Variants in ATL1 observed in about 807,000 individuals in gnomAD.
ATL1 encodes atlastin-1.
ATL1 carries 31 observed loss-of-function variants against 75.5 expected under a neutral mutation model. The observed-to-expected ratio is 0.41, with a 90% confidence interval of 0.31 to 0.55. ATL1 has a LOEUF of 0.55. ATL1 is among the 20% of genes least tolerant of loss of function. The pLI is 0.27. For synonymous variants in ATL1, 226 were observed against 233.3 expected, an observed-to-expected ratio of 0.97 and a Z score of 0.28; for missense variants, 405 against 662.6, an observed-to-expected ratio of 0.61 and a Z score of 4.27.
chr14:50,544,793 C>T (rs1011154499), intron 1 of ATL1, among the ~76,000 whole-genome samples: 11 of 151,868 alleles, frequency 7.2e-5, no homozygotes, highest in African/African-American at 2.4e-4. Flanking sequence ...AAAAATTAGC[C>T]AGGCATGGTG....
chr14:50,628,767 A>C (rs1440512026), intron 12 of ATL1, among the ~76,000 whole-genome samples: 1 of 152,032 alleles, frequency 6.6e-6, no homozygotes, highest in African/African-American at 2.4e-5. Context: ...TCTAGGCTGG[A>C]GTGCAGTGGC....
At chr14:50,564,597 C>T in intron 1 of ATL1, among the ~76,000 whole-genome samples, 1 of 128,300 alleles carries the variant, frequency 7.8e-6, no homozygotes, top group East Asian at 2.3e-4. Context: ...TGCAGTGAGC[C>T]AAGATCCGCC....
chr14:50,610,450 C>T (rs1320140094), intron 6 of ATL1, among the ~76,000 whole-genome samples: 1 of 152,052 alleles, frequency 6.6e-6, no homozygotes, highest in African/African-American at 2.4e-5. Flanking sequence ...TGTGAGTACT[C>T]AGGAAATACA....
At chr14:50,544,860 C>T (rs2038608782) in intron 1 of ATL1, among the ~76,000 whole-genome samples, 1 of 148,270 alleles carries the variant, frequency 6.7e-6, no homozygotes. Context: ...TTGCATGAGC[C>T]TGGGAGATGG....
Position 50,595,613 on chromosome 14 carries a change from C to T in ATL1, c.611C>T (p.Thr204Ile). The change falls in exon 6 of 14, where the codon ACA (threonine) becomes ATA (isoleucine). Residue 204 changes from threonine (T) to isoleucine (I), a missense_variant. Coordinates refer to ENST00000358385, the MANE Select transcript of ATL1 (RefSeq NM_015915.5). ...TEYGRLAMEETFLKPFQSLIF... is the reference protein window; with the variant it reads ...TEYGRLAMEEIFLKPFQSLIF... Reference sequence around the variant, plus strand: ...TATGGCAGACTGGCAATGGAGGAAACATTCCTGAAGCCATTTCAGGTGAGC... The same window carrying T: ...TATGGCAGACTGGCAATGGAGGAAATATTCCTGAAGCCATTTCAGGTGAGC... 6.2e-7 allele frequency: 1 copy of T among 1,613,686 alleles called. No homozygotes were observed. The highest frequency in any genetic ancestry group is 1.1e-5 in the South Asian group (1 of 91,066).
intron 3 of ATL1, 40 bp from the exon 4 acceptor site, chr14:50,591,495 G>C: frequency 7.4e-7 from 1 of 1,353,576 alleles, no homozygotes; most frequent in Non-Finnish European, 1.1e-6. Context: ...TGACCTAGAT[G>C]TTCTATAAAA....
intron 1 of ATL1, among the ~76,000 whole-genome samples, chr14:50,562,883 T>A (rs2140177515): frequency 6.6e-6 from 1 of 152,342 alleles, no homozygotes; most frequent in South Asian, 2.1e-4. Context: ...TAATTCCATT[T>A]TATTACCAGT....
chr14:50,579,367 G>A (rs1403450928), intron 1 of ATL1, among the ~76,000 whole-genome samples: 1 of 152,142 alleles, frequency 6.6e-6, no homozygotes, highest in Non-Finnish European at 1.5e-5. Flanking sequence ...ATTTCACTCT[G>A]TCTTCATTAC....
chr14:50,615,492 T>C (rs746024443), intron 8 of ATL1, among the ~76,000 whole-genome samples: 5 of 152,214 alleles, frequency 3.3e-5, no homozygotes, highest in Non-Finnish European at 5.9e-5. Flanking sequence ...TACTCTCAGA[T>C]ACCTTACATT....
rs963500700 is a variant in ATL1 at position 50,608,334 on chromosome 14, A to C, written c.631-4925A>C. Among the ~76,000 whole-genome samples the C allele has an allele frequency of 3.9e-5, 6 of 152,068 alleles. No homozygotes were observed. In the East Asian group the frequency reaches 1.2e-3, roughly 29 times the overall value. ...TAGGGAGGGGTGGGGGACAGTAGGA[A>C]TTGCTCATCCCCATTCATGAGAACC... On this transcript the variant is annotated intron_variant, in intron 6 of 13. Coordinates refer to ENST00000358385, the MANE Select transcript of ATL1 (RefSeq NM_015915.5).
chr14:50,560,115 C>A (rs565084963), upstream of ATL1: 45 of 871,416 alleles, frequency 5.2e-5, no homozygotes, highest in South Asian at 6.1e-4. Flanking sequence ...CCTCCCCACT[C>A]CTTCCCACCA....
upstream of ATL1, among the ~76,000 whole-genome samples, chr14:50,558,229 A>C (rs2140170016): frequency 6.6e-6 from 1 of 152,270 alleles, no homozygotes; most frequent in African/African-American, 2.4e-5. Flanking sequence ...CGTGCTGGCG[A>C]CCGCCAGTAA....
At chr14:50,581,320 A>G (rs1330749199) in intron 1 of ATL1, among the ~76,000 whole-genome samples, 1 of 151,834 alleles carries the variant, frequency 6.6e-6, no homozygotes, top group Non-Finnish European at 1.5e-5. Flanking sequence ...TAAATATTTC[A>G]ATATAAATAA....
intron 1 of ATL1, among the ~76,000 whole-genome samples, chr14:50,539,130 T>C (rs188971492): frequency 9.8e-5 from 15 of 152,310 alleles, no homozygotes; most frequent in Admixed American, 9.1e-4. Context: ...CACTCACATA[T>C]CTGATGATTA....
chr14:50,622,031 A>G (rs1030792621), intron 10 of ATL1, 132 bp downstream of exon 10: 3 of 734,000 alleles, frequency 4.1e-6, no homozygotes, highest in Non-Finnish European at 7.3e-6. Flanking sequence ...AACTTTACCT[A>G]TTTATGTGTT....
intron 6 of ATL1, among the ~76,000 whole-genome samples, chr14:50,604,018 G>A (rs1009397579): frequency 6.6e-6 from 1 of 152,114 alleles, no homozygotes; most frequent in African/African-American, 2.4e-5. Flanking sequence ...GCAATTTATT[G>A]CATGCTTATT....
At chr14:50,542,461 TAAAAAAATAA>T (rs1242679567) in intron 1 of ATL1, 1 of 152,008 alleles carries the variant, frequency 6.6e-6, no homozygotes, top group East Asian at 1.9e-4. Context: ...AAAGTAAAAT[TAAAAAAATAA>T]AAGAAAATAA....
intron 1 of ATL1, among the ~76,000 whole-genome samples, chr14:50,548,577 TCGGGTCA>T (rs1170161851): frequency 6.6e-6 from 1 of 152,138 alleles, no homozygotes; most frequent in Non-Finnish European, 1.5e-5. Context: ...TGGCGTGATC[TCGGGTCA>T]CTGCAAGCTC....
intron 1 of ATL1, among the ~76,000 whole-genome samples, chr14:50,543,436 T>TC (rs1312776860): frequency 6.6e-6 from 1 of 152,218 alleles, no homozygotes; most frequent in African/African-American, 2.4e-5. Context: ...TTGGAAAGCT[T>TC]CTATTAGTGC....
Sources: allele counts gnomAD v4.1 joint callset (sites outside exome capture counted in the v4.1 genomes callset), GRCh38; gene constraint gnomAD v4.1.1; transcripts MANE v1.5; gene names NCBI Gene and HGNC (gene_info 2026-07-23, HGNC 2026-07-21).